Variants in SGCZ observed in about 807,000 individuals in gnomAD.
SGCZ encodes zeta-sarcoglycan.
Under a neutral mutation model 41.3 loss-of-function variants are expected in SGCZ, and 40 were observed. That is an observed-to-expected ratio of 0.97 (90% CI 0.75 to 1.26). The LOEUF (loss-of-function observed/expected upper bound fraction) is 1.26, where lower values mean the gene tolerates loss of function less well. SGCZ is among the 50% of genes most tolerant of loss of function. The pLI, the probability that SGCZ is intolerant of heterozygous loss-of-function variation, is 0.00. For missense variants in SGCZ, 552 were observed against 369.8 expected (o/e 1.49, Z -4.04); for synonymous variants, 206 against 137.5 (o/e 1.50, Z -3.49).
intron 2 of SGCZ, among the ~76,000 whole-genome samples, chr8:14,426,762 G>T (rs890390773): frequency 6.6e-6 from 1 of 152,078 alleles, no homozygotes; most frequent in Non-Finnish European, 1.5e-5. Context: ...AGTGTATGCT[G>T]AGAAAAAGGT....
intron 1 of SGCZ, among the ~76,000 whole-genome samples, chr8:15,012,412 A>G (rs1407424768): frequency 6.7e-6 from 1 of 150,294 alleles, no homozygotes; most frequent in Non-Finnish European, 1.5e-5. Context: ...GCAGTGAGCT[A>G]TGATCACCTC....
intron 2 of SGCZ, among the ~76,000 whole-genome samples, chr8:14,467,721 T>C (rs1297029211): frequency 2.0e-5 from 3 of 152,046 alleles, no homozygotes; most frequent in Non-Finnish European, 4.4e-5. Flanking sequence ...TTCCTACACT[T>C]CCATCTTTCC....
At chr8:14,135,543 A>G (rs1050421751) in intron 5 of SGCZ, among the ~76,000 whole-genome samples, 2 of 152,334 alleles carry the variant, frequency 1.3e-5, no homozygotes, top group East Asian at 1.9e-4. Flanking sequence ...GAAAGACTGA[A>G]GAAAATGTAG....
chr8:14,959,319 T>G (rs1201190136), intron 1 of SGCZ, among the ~76,000 whole-genome samples: 1 of 152,142 alleles, frequency 6.6e-6, no homozygotes, highest in Non-Finnish European at 1.5e-5. Flanking sequence ...ACTGATGATA[T>G]GCTTTCTTTG....
intron 2 of SGCZ, among the ~76,000 whole-genome samples, chr8:14,542,182 T>A (rs1803490128): frequency 6.6e-6 from 1 of 152,216 alleles, no homozygotes; most frequent in East Asian, 1.9e-4. Context: ...TTGCTTTTGA[T>A]GTTTTAGTCA....
At chr8:14,812,799 T>C (rs1801774990) in intron 1 of SGCZ, among the ~76,000 whole-genome samples, 1 of 152,192 alleles carries the variant, frequency 6.6e-6, no homozygotes, top group Non-Finnish European at 1.5e-5. Flanking sequence ...GAGTCTTATT[T>C]ATTAATAGAT....
At chr8:15,003,747 G>A (rs1802506596) in intron 1 of SGCZ, among the ~76,000 whole-genome samples, 2 of 152,050 alleles carry the variant, frequency 1.3e-5, no homozygotes. Flanking sequence ...CTTCCAGAGT[G>A]GTTCCAGAGA....
At chr8:14,656,171 T>C (rs1454381806) in intron 1 of SGCZ, among the ~76,000 whole-genome samples, 1 of 152,038 alleles carries the variant, frequency 6.6e-6, no homozygotes, top group Admixed American at 6.6e-5. Context: ...AAAGTGACTA[T>C]GCCATTTTAC....
chr8:14,231,160 A>AGTGTGTGTGTGTGTGTGTGTGTGT (rs71209027), intron 4 of SGCZ, among the ~76,000 whole-genome samples: 88 of 112,092 alleles, frequency 7.9e-4, no homozygotes, highest in South Asian at 1.5e-3. Context: ...TCTTTGGGCA[A>AGTGTGTGTGTGTGTGTGTGTGTGT]GTGTGTGTGT....
chr8:14,952,172 G>T (rs1048901116), intron 1 of SGCZ, among the ~76,000 whole-genome samples: 1 of 151,846 alleles, frequency 6.6e-6, no homozygotes, highest in African/African-American at 2.4e-5. Context: ...TCATAAATCC[G>T]AGTTACTCCT....
chr8:14,631,673 C>T (rs913947678), intron 1 of SGCZ, among the ~76,000 whole-genome samples: 8 of 152,038 alleles, frequency 5.3e-5, no homozygotes, highest in Admixed American at 5.3e-4. Context: ...AAGATAAAAA[C>T]GTAACACTGA....
intron 1 of SGCZ, among the ~76,000 whole-genome samples, chr8:14,874,587 C>T (rs562830745): frequency 1.1e-4 from 17 of 152,062 alleles, no homozygotes; most frequent in Non-Finnish European, 1.9e-4. Flanking sequence ...TATGTAGATT[C>T]TCTTCTAATA....
At chr8:14,766,421 A>G (rs1035665370) in intron 1 of SGCZ, among the ~76,000 whole-genome samples, 1 of 152,180 alleles carries the variant, frequency 6.6e-6, no homozygotes, top group African/African-American at 2.4e-5. Context: ...CTAAATGATG[A>G]ACGTCTTAAA....
chr8:14,848,473 T>G (rs1803208363), intron 1 of SGCZ, among the ~76,000 whole-genome samples: 1 of 152,176 alleles, frequency 6.6e-6, no homozygotes, highest in Admixed American at 6.5e-5. Context: ...GCTCTTATAA[T>G]CAACACACTG....
intron 4 of SGCZ, among the ~76,000 whole-genome samples, chr8:14,183,621 C>G (rs188484751): frequency 1.1e-4 from 17 of 152,152 alleles, no homozygotes; most frequent in Non-Finnish European, 1.5e-4. Context: ...AGCATAGTTA[C>G]AAAAATTGTT....
At chr8:14,650,111 A>T (rs1163421359) in intron 1 of SGCZ, among the ~76,000 whole-genome samples, 1 of 152,020 alleles carries the variant, frequency 6.6e-6, no homozygotes, top group African/African-American at 2.4e-5. Flanking sequence ...ACATAGACGC[A>T]ATTTAAAACC....
intron 1 of SGCZ, among the ~76,000 whole-genome samples, chr8:14,759,662 G>A (rs1799798846): frequency 6.6e-6 from 1 of 152,290 alleles, no homozygotes; most frequent in South Asian, 2.1e-4. Context: ...TGCCATGACA[G>A]TATTTCAGCT....
At chr8:14,682,157 G>C (rs11987535) in intron 1 of SGCZ, among the ~76,000 whole-genome samples, 1 of 151,712 alleles carries the variant, frequency 6.6e-6, no homozygotes, top group Non-Finnish European at 1.5e-5. Context: ...AAGGTTCAGA[G>C]AATAGCCGAT....
chr8:14,719,513 C>T (rs1809810451), intron 1 of SGCZ, among the ~76,000 whole-genome samples: 2 of 151,782 alleles, frequency 1.3e-5, no homozygotes, highest in East Asian at 3.9e-4. Flanking sequence ...TCTCCAGCAC[C>T]TGTTGTTTCC....
Sources: gnomAD v4.1 joint callset for allele counts (sites outside exome capture counted in the v4.1 genomes callset) on GRCh38, gnomAD v4.1.1 for gene constraint, MANE v1.5 for transcripts, NCBI Gene and HGNC (gene_info 2026-07-23, HGNC 2026-07-21) for gene names.